Variants in HMGN3 observed in about 807,000 individuals in gnomAD.
The protein encoded by HMGN3 is high mobility group nucleosome-binding domain-containing protein 3.
In HMGN3, 6 loss-of-function variants were observed where a neutral mutation model predicts 18.8. That is an observed-to-expected ratio of 0.32 (90% CI 0.18 to 0.63). The LOEUF is 0.63. HMGN3 is among the 30% of genes least tolerant of loss of function. HMGN3 has a pLI of 0.79. For missense variants in HMGN3, 107 were observed against 114.2 expected (o/e 0.94, Z 0.29); for synonymous variants, 40 against 36.5 (o/e 1.10, Z -0.35).
intron 1 of HMGN3, among the ~76,000 whole-genome samples, chr6:79,232,285 G>T (rs1454549010): frequency 6.6e-6 from 1 of 152,238 alleles, no homozygotes; most frequent in African/African-American, 2.4e-5. Context: ...AAGTTCCAGT[G>T]AACTTCAGGA....
chr6:79,203,523 G>A, intron 4 of HMGN3, 57 bp downstream of exon 4: 2 of 1,307,500 alleles, frequency 1.5e-6, no homozygotes, highest in African/African-American at 1.5e-5. Flanking sequence ...TCTGAGGTAG[G>A]GAATTATAAT....
At chr6:79,225,688 A>G (rs1252892447) in intron 1 of HMGN3, among the ~76,000 whole-genome samples, 1 of 152,220 alleles carries the variant, frequency 6.6e-6, no homozygotes, top group Non-Finnish European at 1.5e-5. Context: ...GGAATCTGAG[A>G]AAATTATAAA....
At chr6:79,234,604 A>G (rs543975191) in exon 1 of HMGN3, 1 of 1,604,642 alleles carries the variant, frequency 6.2e-7, no homozygotes, top group African/African-American at 1.3e-5. Context: ...ACGGACTGGA[A>G]CTGCTGGCGC....
chr6:79,220,392 A>G (rs555535186), intron 1 of HMGN3, among the ~76,000 whole-genome samples: 3 of 152,380 alleles, frequency 2.0e-5, no homozygotes, highest in African/African-American at 7.2e-5. Context: ...TATAATGACA[A>G]GTGACAGAGG....
intron 1 of HMGN3, among the ~76,000 whole-genome samples, chr6:79,219,435 A>G (rs1169803679): frequency 6.6e-6 from 1 of 152,188 alleles, no homozygotes; most frequent in East Asian, 1.9e-4. Flanking sequence ...TCTTTCAACA[A>G]GAATCTATTA....
At chr6:79,209,145 A>G (rs1391056819) in intron 2 of HMGN3, among the ~76,000 whole-genome samples, 1 of 152,248 alleles carries the variant, frequency 6.6e-6, no homozygotes, top group East Asian at 1.9e-4. Context: ...ATCTAGTAGT[A>G]TATGTTCAAA....
intron 1 of HMGN3, among the ~76,000 whole-genome samples, chr6:79,225,596 A>T (rs570859929): frequency 6.6e-6 from 1 of 152,352 alleles, no homozygotes; most frequent in Admixed American, 6.5e-5. Flanking sequence ...CCTGTTCACA[A>T]GGGAGTATTC....
chr6:79,230,036 A>G lies in HMGN3; in HGVS notation c.15+4510T>C, dbSNP rs553363891. ...ATAATCCAAACCTGGAACAATCCAA[A>G]TGTCCATCACCTTGTGAAAGGATAA... On this transcript the variant is annotated intron_variant, in intron 1 of 5. Coordinates refer to ENST00000344726, the Ensembl canonical transcript of HMGN3. Among the ~76,000 whole-genome samples the G allele has an allele frequency of 3.9e-5, 6 of 152,314 alleles. No homozygotes were observed. In the South Asian group the frequency reaches 1.2e-3, roughly 32 times the overall value.
chr6:79,203,676 ACTATCAGCACC>A, intron 3 of HMGN3, 46 bp from the exon 4 acceptor site: 2 of 958,266 alleles, frequency 2.1e-6, no homozygotes, highest in Non-Finnish European at 1.6e-6. Context: ...AAAAAAAAAA[ACTATCAGCACC>A]AAAAGAAACA....
chr6:79,222,920 T>C lies in HMGN3; in HGVS notation c.16-7898A>G, dbSNP rs138564827. On this transcript the variant is annotated intron_variant, in intron 1 of 5. Transcript: ENST00000344726. ...TTAGAAGACTTTGAACTGAAATAAA[T>C]AGCAACTCTCTCTTTTCTGAGGACC... 8.7e-3 allele frequency among the ~76,000 whole-genome samples: 1,328 copies of C among 152,306 alleles called. 20 individuals carry two copies. The highest frequency in any genetic ancestry group is 0.03 in the African/African-American group (1,267 of 41,568).
At chr6:79,221,223 C>A (rs1777266007) in intron 1 of HMGN3, among the ~76,000 whole-genome samples, 1 of 152,146 alleles carries the variant, frequency 6.6e-6, no homozygotes, top group Non-Finnish European at 1.5e-5. Flanking sequence ...TATATTGCCT[C>A]CTCTTCTGTA....
At chr6:79,219,259 T>A (rs1286288585) in intron 1 of HMGN3, among the ~76,000 whole-genome samples, 2 of 152,208 alleles carry the variant, frequency 1.3e-5, no homozygotes, top group Admixed American at 1.3e-4. Flanking sequence ...AAAGAATTAC[T>A]TCTCCAACAA....
intron 1 of HMGN3, among the ~76,000 whole-genome samples, chr6:79,227,289 G>T (rs781158814): frequency 6.6e-6 from 1 of 152,104 alleles, no homozygotes; most frequent in Non-Finnish European, 1.5e-5. Context: ...AATCAACCAT[G>T]TAAAAATGCA....
intron 1 of HMGN3, among the ~76,000 whole-genome samples, chr6:79,231,523 T>C (rs1029884738): frequency 2.6e-5 from 4 of 152,192 alleles, no homozygotes; most frequent in Admixed American, 6.5e-5. Context: ...ATGGCATTTA[T>C]AAAAAACCAC....
chr6:79,212,539 C>T (rs13210296), intron 2 of HMGN3, among the ~76,000 whole-genome samples: 7,751 of 152,236 alleles, frequency 0.051, 214 homozygotes, highest in South Asian at 0.1. Context: ...TATATGTTTT[C>T]GTTGAGGAAT....
At chr6:79,226,367 C>T (rs867655058) in intron 1 of HMGN3, among the ~76,000 whole-genome samples, 22 of 152,060 alleles carry the variant, frequency 1.4e-4, no homozygotes, top group African/African-American at 3.9e-4. Context: ...AAAATGAGAA[C>T]GGGAAACGGA....
intron 2 of HMGN3, among the ~76,000 whole-genome samples, chr6:79,214,251 G>C (rs1776847511): frequency 6.7e-6 from 1 of 150,228 alleles, no homozygotes; most frequent in Non-Finnish European, 1.5e-5. Flanking sequence ...ACCCAGGCTG[G>C]AGTGCAGTGG....
At chr6:79,202,489 C>T (rs1010276299) in intron 4 of HMGN3, 100 bp from the exon 5 acceptor site, 3 of 966,878 alleles carry the variant, frequency 3.1e-6, no homozygotes, top group South Asian at 1.4e-5. Context: ...GAAGTACAAC[C>T]GTTACCATCA....
At chr6:79,223,564 GGCATGGTGGCACAT>G (rs1260420467) in intron 1 of HMGN3, among the ~76,000 whole-genome samples, 1 of 152,072 alleles carries the variant, frequency 6.6e-6, no homozygotes, top group East Asian at 1.9e-4. Flanking sequence ...CAATTAGCTG[GGCATGGTGGCACAT>G]GCCTGTAATC....
Sources: gnomAD v4.1 joint callset for allele counts (sites outside exome capture counted in the v4.1 genomes callset) on GRCh38, gnomAD v4.1.1 for gene constraint, MANE v1.5 for transcripts, NCBI Gene and HGNC (gene_info 2026-07-23, HGNC 2026-07-21) for gene names.